C3orf52: variants seen among roughly 807,000 people sequenced by gnomAD.
The protein encoded by C3orf52 is chromosome 3 open reading frame 52.
Under a neutral mutation model 24.8 loss-of-function variants are expected in C3orf52, and 22 were observed. The observed-to-expected ratio is 0.89, with a 90% CI of 0.63 to 1.27. The LOEUF (loss-of-function observed/expected upper bound fraction) is 1.27, where lower values mean the gene tolerates loss of function less well. Ranked by LOEUF, C3orf52 falls within the 50% of genes most tolerant of loss-of-function variation. The pLI, the probability that C3orf52 is intolerant of heterozygous loss-of-function variation, is 0.00. For synonymous variants in C3orf52, 93 were observed against 100.2 expected, an observed-to-expected ratio of 0.93 and a Z score of 0.43; for missense variants, 265 against 260.7, an observed-to-expected ratio of 1.02 and a Z score of -0.11.
intron 2 of C3orf52, among the ~76,000 whole-genome samples, chr3:112,101,379 A>G (rs1337637430): frequency 6.6e-6 from 1 of 152,188 alleles, no homozygotes; most frequent in Non-Finnish European, 1.5e-5. Context: ...GATCTCATCT[A>G]CTAGGGAAGC....
At chr3:112,126,631 T>A (rs1211630504) in intron 4 of C3orf52, among the ~76,000 whole-genome samples, 1 of 152,226 alleles carries the variant, frequency 6.6e-6, no homozygotes, top group Non-Finnish European at 1.5e-5. Context: ...AGGACAAAGA[T>A]GAAAATCTTT....
chr3:112,110,069 C>T (rs1396091504), intron 4 of C3orf52, among the ~76,000 whole-genome samples: 1 of 152,212 alleles, frequency 6.6e-6, no homozygotes, highest in African/African-American at 2.4e-5. Flanking sequence ...GTAGCTCACG[C>T]CTGTAATCCC....
intron 4 of C3orf52, chr3:112,126,982 C>T (rs2074336395): frequency 1.3e-6 from 2 of 1,572,734 alleles, no homozygotes; most frequent in Non-Finnish European, 1.7e-6. Context: ...AAATCAATGA[C>T]TTACTTTCGT....
intron 2 of C3orf52, among the ~76,000 whole-genome samples, chr3:112,102,608 C>G (rs1559972467): frequency 6.6e-6 from 1 of 152,096 alleles, no homozygotes; most frequent in Non-Finnish European, 1.5e-5. Context: ...ATCTGAGACC[C>G]CTTTGCCATA....
At chr3:112,087,935 A>G (rs1343977479) in intron 1 of C3orf52, among the ~76,000 whole-genome samples, 1 of 152,238 alleles carries the variant, frequency 6.6e-6, no homozygotes, top group Non-Finnish European at 1.5e-5. Context: ...ATGTGTGCCT[A>G]CTCGGCCTTC....
chr3:112,109,818 C>A, intron 4 of C3orf52: 1 of 445,072 alleles, frequency 2.2e-6, no homozygotes. Flanking sequence ...AAAAGGAAGC[C>A]CAGATTAATG....
intron 2 of C3orf52, among the ~76,000 whole-genome samples, chr3:112,094,135 T>C (rs1194620874): frequency 2.6e-5 from 4 of 152,110 alleles, no homozygotes; most frequent in African/African-American, 9.7e-5. Context: ...GCTGGAATTA[T>C]AGGCATGTGC....
chr3:112,116,138 C>T lies in C3orf52; in HGVS notation c.650-504C>T, dbSNP rs1401923744. 1.6e-4 allele frequency among the ~76,000 whole-genome samples: 25 copies of T among 152,178 alleles called. 1 individual carries two copies. Among genetic ancestry groups the T allele is most frequent in the Admixed American group, 1.6e-3 (25 of 15,276 alleles). The stretch of plus-strand genomic sequence containing the variant: ...GCCCCAGGTAGGGAGAATAGTGAAT[C>T]TTGTCAGTCCTGTCAGTGGTGGCGA... On this transcript the variant is annotated intron_variant, in intron 5 of 5. Coordinates refer to ENST00000264848, the MANE Select transcript of C3orf52 (RefSeq NM_024616.3).
chr3:112,102,893 A>G lies in C3orf52; in HGVS notation c.324A>G (p.Thr108=). The change falls in exon 3 of 6, where the codon ACA becomes ACG. Residue 108 remains threonine, a synonymous_variant. Coordinates refer to ENST00000264848, the MANE Select transcript of C3orf52 (RefSeq NM_024616.3). ...TACTTGAATTATCATCAAACAAAAC[A>G]TTCTTCATCATGCTGAAGATTCCAG... ...NEILELSSNK[T]FFIMLKIPEE... is the part of the protein sequence containing the mutation. 1 of 1,604,012 alleles carries G rather than the reference A, an allele frequency of 6.2e-7. No homozygotes were observed. The highest frequency in any genetic ancestry group is 1.1e-5 in the South Asian group (1 of 88,696).
chr3:112,123,388 T>C, intron 4 of C3orf52: 1 of 1,568,116 alleles, frequency 6.4e-7, no homozygotes, highest in Non-Finnish European at 8.6e-7. Context: ...CCATCCCTGC[T>C]TCAGGCAGAT....
chr3:112,122,295 C>G (rs1283044004), downstream of C3orf52: 1 of 152,194 alleles, frequency 6.6e-6, no homozygotes, highest in East Asian at 1.9e-4. Flanking sequence ...GTCACAATTA[C>G]TCAACTCTCC....
chr3:112,122,018 C>G (rs960186054), downstream of C3orf52: 1 of 152,066 alleles, frequency 6.6e-6, no homozygotes, highest in Non-Finnish European at 1.5e-5. Context: ...GGACAGTAGC[C>G]GTGAGTTAAA....
chr3:112,086,618 G>A, intron 1 of C3orf52, 73 bp downstream of exon 1: 2 of 1,492,278 alleles, frequency 1.3e-6, no homozygotes, highest in South Asian at 1.3e-5. Context: ...TGGCACCCGC[G>A]AGTTTCGGGT....
At position 112,086,733 on chromosome 3, in the gene C3orf52, C is replaced by T. The variant is rs549847536; in HGVS notation, c.138+188C>T. 3.9e-4 allele frequency among the ~76,000 whole-genome samples: 60 copies of T among 152,302 alleles called. 1 individual carries two copies. The highest frequency in any genetic ancestry group is 1.4e-3 in the African/African-American group (60 of 41,572). ...GACACCTTTCGGCCCGAGCAGTCCC[C>T]TCCCCAGCCCCTGGGGTCCTCCAAC... is the stretch of plus-strand genomic sequence containing the variant. On this transcript the variant is annotated intron_variant, in intron 1 of 5. Transcript: ENST00000264848.
At chr3:112,124,214 T>C (rs923141204) in intron 4 of C3orf52, among the ~76,000 whole-genome samples, 9 of 152,190 alleles carry the variant, frequency 5.9e-5, no homozygotes, top group African/African-American at 2.2e-4. Context: ...CTTTATAAAT[T>C]ACCCAGCTTT....
downstream of C3orf52, chr3:112,133,830 A>G (rs1380776669): frequency 6.6e-6 from 1 of 152,268 alleles, no homozygotes; most frequent in Non-Finnish European, 1.5e-5. Context: ...GAAAGAAGTG[A>G]TAAGGACAGA....
At chr3:112,113,520 A>G (rs1351681228) in intron 5 of C3orf52, among the ~76,000 whole-genome samples, 1 of 152,250 alleles carries the variant, frequency 6.6e-6, no homozygotes, top group African/African-American at 2.4e-5. Context: ...CAAGAGAAGT[A>G]AGAATTGAAG....
At chr3:112,105,221 T>G (rs950089190) in intron 3 of C3orf52, among the ~76,000 whole-genome samples, 5 of 152,218 alleles carry the variant, frequency 3.3e-5, no homozygotes, top group African/African-American at 1.2e-4. Context: ...ACTTTCTCTG[T>G]GTATCTCAGG....
chr3:112,091,266 A>G lies in C3orf52; in HGVS notation c.139-2094A>G, dbSNP rs1019271563. Among the ~76,000 whole-genome samples, 6 of 152,348 alleles carry G rather than the reference A, an allele frequency of 3.9e-5. 1 individual carries two copies. In the South Asian group the frequency reaches 1.2e-3, roughly 32 times the overall value. ...TACTTGTAGAAGGCACAGGTGTGGAATATAAGAACAGGGCAGTTTAAGAGC... is the reference window on the plus strand; with the variant it reads ...TACTTGTAGAAGGCACAGGTGTGGAGTATAAGAACAGGGCAGTTTAAGAGC... On this transcript the variant is annotated intron_variant, in intron 1 of 5. Coordinates refer to ENST00000264848, the MANE Select transcript of C3orf52 (RefSeq NM_024616.3).
Sources: gnomAD v4.1 joint callset for allele counts (sites outside exome capture counted in the v4.1 genomes callset) on GRCh38, gnomAD v4.1.1 for gene constraint, MANE v1.5 for transcripts, NCBI Gene and HGNC (gene_info 2026-07-23, HGNC 2026-07-21) for gene names.